Variants in SYCP2L observed in about 807,000 individuals in gnomAD.
The protein encoded by SYCP2L is synaptonemal complex protein 2-like.
In SYCP2L, 98 loss-of-function variants were observed where a neutral mutation model predicts 125.8. The observed-to-expected ratio is 0.78, with a 90% CI of 0.66 to 0.92. SYCP2L has a LOEUF of 0.92. Among genes scored for constraint, SYCP2L ranks in the 40% least tolerant of loss-of-function variants. The pLI, the probability that SYCP2L is intolerant of heterozygous loss-of-function variation, is 0.00. For missense variants in SYCP2L, 842 were observed against 936.4 expected, an observed-to-expected ratio of 0.90 and a Z score of 1.32; for synonymous variants, 317 against 325.4, an observed-to-expected ratio of 0.97 and a Z score of 0.28.
rs762034598 is a variant in SYCP2L, at chr6:10,906,038, A to C, written c.660A>C (p.Thr220=). The C allele has an allele frequency of 2.5e-6, 4 of 1,599,960 alleles. No homozygotes were observed. In the Admixed American group the frequency reaches 5.0e-5, roughly 20 times the overall value. Residue 220 remains threonine (T), a synonymous_variant, in exon 9 of 30, where the codon ACA becomes ACC. Transcript: ENST00000283141. ...GTTTCAGGAAAGACCTTGCAAGGAC[A>C]CTCTTGACTGTGGGTGGTAAGAAAT... The part of the protein sequence containing the change: ...MCHLMKDLAR[T]LLTVGDYDQQ...
intron 29 of SYCP2L, among the ~76,000 whole-genome samples, chr6:10,967,887 A>G (rs933252410): frequency 6.6e-6 from 1 of 152,046 alleles, no homozygotes; most frequent in African/African-American, 2.4e-5. Flanking sequence ...TCTCCAGCAA[A>G]ATTCTGCTCA....
intron 26 of SYCP2L, among the ~76,000 whole-genome samples, chr6:10,961,061 AGAGTG>A (rs1781584152): frequency 6.7e-6 from 1 of 148,702 alleles, no homozygotes; most frequent in African/African-American, 2.5e-5. Context: ...CTGGGCAACA[AGAGTG>A]AAACTCCATC....
Position 10,961,342 on chromosome 6 carries a change from C to G in SYCP2L, c.2293C>G (p.Gln765Glu), listed in dbSNP as rs1781589047. The change falls in exon 27 of 30, where the codon CAA (glutamine) becomes GAA (glutamate). Residue 765 changes from glutamine (Q) to glutamate (E), a missense_variant. Transcript: ENST00000283141. ...AGAGCGCTTTCAAAATTTGGTTCTT[C>G]AAGAGTTGAGCAGTCTTAAGCAGGA... ...KLERFQNLVL[Q>E]ELSSLKQDIQ... 1 of 1,614,048 alleles carries G rather than the reference C, an allele frequency of 6.2e-7. No individual in the cohort carries two copies. The highest frequency in any genetic ancestry group is 1.3e-5 in the African/African-American group (1 of 74,942).
chr6:10,903,551 A>AAAT (rs1343816544), intron 8 of SYCP2L, among the ~76,000 whole-genome samples: 1 of 151,972 alleles, frequency 6.6e-6, no homozygotes, highest in Non-Finnish European at 1.5e-5. Flanking sequence ...CTCTGTCTTA[A>AAAT]AATAATAATA....
At chr6:10,888,418 A>C (rs921426507) in intron 1 of SYCP2L, among the ~76,000 whole-genome samples, 1 of 151,994 alleles carries the variant, frequency 6.6e-6, no homozygotes, top group African/African-American at 2.4e-5. Flanking sequence ...TTAAATGAGG[A>C]GACTGAATCT....
chr6:10,901,035 T>G (rs1216161949), intron 6 of SYCP2L, among the ~76,000 whole-genome samples: 1 of 152,234 alleles, frequency 6.6e-6, no homozygotes, highest in Non-Finnish European at 1.5e-5. Context: ...ACTCCTTCCT[T>G]TTTGTTCTGA....
chr6:10,967,454 G>GGGGT (rs56098075), intron 29 of SYCP2L, among the ~76,000 whole-genome samples: 1,551 of 138,888 alleles, frequency 0.011, 22 homozygotes, highest in African/African-American at 0.021. Flanking sequence ...TGGGGTAGAG[G>GGGGT]GTGTGTGTGT....
intron 14 of SYCP2L, among the ~76,000 whole-genome samples, chr6:10,913,286 A>G (rs1237188273): frequency 1.3e-5 from 2 of 152,222 alleles, no homozygotes; most frequent in African/African-American, 4.8e-5. Context: ...TCCTCTCTTG[A>G]TAAACCTAGA....
chr6:10,924,578 C>A lies in SYCP2L; in HGVS notation c.1155C>A (p.Ile385=). ...ISYKEVMKIE[I]HFDLQFNISQ... is the part of the protein sequence containing the mutation. Reference sequence around the variant, plus strand: ...ACAAAGAAGTCATGAAAATAGAAATCCATTTTGATTTGCAGTTCAACATAT... The same window carrying A: ...ACAAAGAAGTCATGAAAATAGAAATACATTTTGATTTGCAGTTCAACATAT... The change falls in exon 15 of 30, where the codon ATC becomes ATA. Residue 385 remains isoleucine (I), a synonymous_variant. Transcript: ENST00000283141. 1 of 1,605,662 alleles carries A rather than the reference C, an allele frequency of 6.2e-7. No homozygotes were observed. The highest frequency in any genetic ancestry group is 8.5e-7 in the Non-Finnish European group (1 of 1,177,732).
rs182080069 is a variant in SYCP2L, at chr6:10,958,800, G to A, written c.2180G>A (p.Arg727His). ...KRKYELRYRK[R>H]PFNSENAKKA... The stretch of plus-strand genomic sequence containing the variant: ...ATGATTTAGCTTAGGTACAGAAAGC[G>A]TCCGTTTAATTCAGAAAATGCAAAG... The change falls in exon 26 of 30, where the codon CGT (arginine) becomes CAT (histidine). Residue 727 changes from arginine (R) to histidine (H), a missense_variant. By Grantham distance (29) the Arg-to-His change is conservative. Coordinates refer to ENST00000283141, the MANE Select transcript of SYCP2L (RefSeq NM_001040274.3). 2.7e-5 allele frequency: 44 copies of A among 1,613,254 alleles called. No homozygotes were observed. Among genetic ancestry groups the A allele is most frequent in the Admixed American group, 5.0e-5 (3 of 59,728 alleles).
intron 29 of SYCP2L, among the ~76,000 whole-genome samples, chr6:10,969,653 C>T (rs539432627): frequency 2.5e-4 from 38 of 152,006 alleles, no homozygotes; most frequent in Non-Finnish European, 4.1e-4. Context: ...TGTGAGCCAC[C>T]GCGCCTGGCC....
chr6:10,967,471 G>GTGTC (rs1781702459), intron 29 of SYCP2L, among the ~76,000 whole-genome samples: 1 of 147,570 alleles, frequency 6.8e-6, no homozygotes, highest in African/African-American at 2.7e-5. Context: ...GTGTGTGTGT[G>GTGTC]TGTGTGTGTG....
At chr6:10,916,759 G>A (rs535058315) in intron 14 of SYCP2L, among the ~76,000 whole-genome samples, 14 of 152,302 alleles carry the variant, frequency 9.2e-5, no homozygotes, top group African/African-American at 3.1e-4. Context: ...GGAGGCCAGG[G>A]TGGGCAGATC....
At chr6:10,953,192 G>T (rs1781442319) in intron 23 of SYCP2L, among the ~76,000 whole-genome samples, 1 of 151,602 alleles carries the variant, frequency 6.6e-6, no homozygotes, top group Non-Finnish European at 1.5e-5. Context: ...TTCTCAATTG[G>T]TATTTCTTAC....
chr6:10,900,945 G>T (rs1312440948), intron 6 of SYCP2L, among the ~76,000 whole-genome samples: 1 of 152,134 alleles, frequency 6.6e-6, no homozygotes, highest in Non-Finnish European at 1.5e-5. Flanking sequence ...CAGAGCTACT[G>T]TCTAATCCCT....
Position 10,898,958 on chromosome 6 carries a change from A to G in SYCP2L, c.466+110A>G, listed in dbSNP as rs1167003990. The G allele has an allele frequency of 8.3e-6, 6 of 724,906 alleles. No homozygotes were observed. In the East Asian group the frequency reaches 1.0e-4, roughly 13 times the overall value. 44.9% of individuals were successfully genotyped at this position (724,906 alleles called of 1,614,324 possible). On this transcript the variant is annotated intron_variant, in intron 6 of 29. Transcript: ENST00000283141. The stretch of plus-strand genomic sequence containing the variant: ...AAAGTAAAGTGAGTTTAAACATTTT[A>G]TTTGGATTTATTGACCACCTTATGG...
chr6:10,904,348 C>A (rs1780444444), intron 8 of SYCP2L, among the ~76,000 whole-genome samples: 1 of 152,214 alleles, frequency 6.6e-6, no homozygotes, highest in South Asian at 2.1e-4. Flanking sequence ...GCGCTAACAA[C>A]CAGCCAGCGC....
At chr6:10,914,094 A>G (rs1215804665) in intron 14 of SYCP2L, among the ~76,000 whole-genome samples, 2 of 152,080 alleles carry the variant, frequency 1.3e-5, no homozygotes, top group African/African-American at 4.8e-5. Flanking sequence ...TGGCCTCCCA[A>G]AGTGCTGGGA....
At chr6:10,971,313 C>A (rs2113436953) in intron 29 of SYCP2L, among the ~76,000 whole-genome samples, 1 of 151,766 alleles carries the variant, frequency 6.6e-6, no homozygotes, top group African/African-American at 2.4e-5. Context: ...AAAAAATTAG[C>A]CGGGTGTGGT....
Sources: gnomAD v4.1 joint callset for allele counts (sites outside exome capture counted in the v4.1 genomes callset) on GRCh38, gnomAD v4.1.1 for gene constraint, MANE v1.5 for transcripts, NCBI Gene and HGNC (gene_info 2026-07-23, HGNC 2026-07-21) for gene names.